The following P4HA3 variants were observed in gnomAD, a reference collection of about 807,000 sequenced individuals.
The protein encoded by P4HA3 is prolyl 4-hydroxylase subunit alpha-3.
P4HA3 carries 60 observed loss-of-function variants against 66.7 expected under a neutral mutation model. The ratio of observed to expected loss-of-function variants is 0.90; its 90% confidence interval spans 0.73 to 1.12. P4HA3 has a LOEUF of 1.12. P4HA3 is among the 50% of genes most tolerant of loss of function. The pLI is 0.00. For missense variants in P4HA3, 683 were observed against 685.8 expected (o/e 1.00, Z 0.05); for synonymous variants, 263 against 274.6 (o/e 0.96, Z 0.42).
At chr11:74,283,329 T>C (rs1860673992) in intron 7 of P4HA3, among the ~76,000 whole-genome samples, 1 of 152,208 alleles carries the variant, frequency 6.6e-6, no homozygotes, top group Non-Finnish European at 1.5e-5. Context: ...GGCCAAAAGC[T>C]ACTACTGCTG....
chr11:74,292,263 T>C (rs1190847851), intron 4 of P4HA3, among the ~76,000 whole-genome samples: 1 of 152,236 alleles, frequency 6.6e-6, no homozygotes, highest in Non-Finnish European at 1.5e-5. Flanking sequence ...CTGATGGTAG[T>C]TTGTATTTCT....
At chr11:74,299,763 C>T (rs1249575577) in intron 3 of P4HA3, among the ~76,000 whole-genome samples, 5 of 151,808 alleles carry the variant, frequency 3.3e-5, no homozygotes. Context: ...GCTGATGTTC[C>T]CTAGGATGGG....
intron 15 of P4HA3, chr11:74,253,620 T>C (rs942391630): frequency 8.0e-7 from 1 of 1,250,272 alleles, no homozygotes. Context: ...CATGTGACAC[T>C]GGCTCCCGGT....
intron 7 of P4HA3, 100 bp from the exon 8 acceptor site, chr11:74,279,552 C>CA: frequency 6.3e-6 from 7 of 1,117,044 alleles, no homozygotes; most frequent in Non-Finnish European, 9.6e-6. Context: ...ATCAACATAA[C>CA]AGATGCCAGT....
chr11:74,292,740 A>C (rs913482978), intron 4 of P4HA3, among the ~76,000 whole-genome samples: 6 of 152,128 alleles, frequency 3.9e-5, no homozygotes, highest in African/African-American at 1.4e-4. Flanking sequence ...TTCAGTTTCC[A>C]TGTAGTTGAG....
intron 15 of P4HA3, chr11:74,255,924 CTT>C (rs1859820631): frequency 1.9e-6 from 1 of 516,946 alleles, no homozygotes; most frequent in Non-Finnish European, 3.9e-6. Flanking sequence ...CACCGGAACA[CTT>C]TGCGGGTGCC....
chr11:74,285,697 C>T, intron 7 of P4HA3, 112 bp downstream of exon 7: 1 of 1,165,844 alleles, frequency 8.6e-7, no homozygotes, highest in Non-Finnish European at 1.2e-6. Flanking sequence ...GCATTCTGAA[C>T]TCCTTGGCTC....
intron 8 of P4HA3, among the ~76,000 whole-genome samples, chr11:74,278,829 C>A (rs1860487781): frequency 1.3e-5 from 2 of 152,152 alleles, no homozygotes; most frequent in African/African-American, 4.8e-5. Flanking sequence ...TGAGGTCTGG[C>A]CTCCCCCCAA....
chr11:74,258,544 C>T (rs149749289), intron 15 of P4HA3, among the ~76,000 whole-genome samples: 1,927 of 152,182 alleles, frequency 0.013, 25 homozygotes, highest in Non-Finnish European at 0.022. Context: ...ATGAGGAATT[C>T]GAGGGTCTGA....
intron 15 of P4HA3, chr11:74,253,845 T>C: frequency 2.2e-6 from 1 of 452,422 alleles, no homozygotes; most frequent in Non-Finnish European, 3.9e-6. Flanking sequence ...CATCAGGCGA[T>C]ACATCTGAGT....
intron 8 of P4HA3, among the ~76,000 whole-genome samples, chr11:74,278,220 A>G (rs1860468732): frequency 6.6e-6 from 1 of 152,212 alleles, no homozygotes; most frequent in Admixed American, 6.5e-5. Flanking sequence ...CAATAGATGG[A>G]AAAGATGTAG....
At chr11:74,264,479 C>G (rs976898931), downstream of P4HA3, among the ~76,000 whole-genome samples, 2 of 152,150 alleles carry the variant, frequency 1.3e-5, no homozygotes, top group African/African-American at 2.4e-5. Context: ...AGGGGAGCCT[C>G]TTAATGCAGC....
At chr11:74,263,277 G>C (rs1055229138), downstream of P4HA3, among the ~76,000 whole-genome samples, 1 of 152,242 alleles carries the variant, frequency 6.6e-6, no homozygotes, top group African/African-American at 2.4e-5. Flanking sequence ...TTGTGGAACT[G>C]ATTCATTCCT....
chr11:74,267,177 C>T lies in P4HA3; in HGVS notation c.*71G>A, dbSNP rs1860015763. On this transcript the variant is annotated 3_prime_UTR_variant, in exon 13 of 13. Transcript: ENST00000331597. ...GGAGGCTGCTCTGCTTTCTCCTCTC[C>T]TACCCCAGCTTTTGGCTCCTGGCTT... 6.2e-7 allele frequency: 1 copy of T among 1,607,542 alleles called. No individual in the cohort carries two copies. Among genetic ancestry groups the T allele is most frequent in the Non-Finnish European group, 8.5e-7 (1 of 1,177,850 alleles).
downstream of P4HA3, among the ~76,000 whole-genome samples, chr11:74,262,655 A>G (rs1348490805): frequency 6.6e-6 from 1 of 152,190 alleles, no homozygotes; most frequent in Non-Finnish European, 1.5e-5. Flanking sequence ...TCCATGGCAA[A>G]GAGTAGGCAC....
chr11:74,266,562 A>G (rs564834262), downstream of P4HA3: 4 of 161,958 alleles, frequency 2.5e-5, no homozygotes, highest in East Asian at 5.5e-4. Context: ...GGTGGAATCC[A>G]CAGATGGGGA....
chr11:74,265,568 A>G (rs1859978161), downstream of P4HA3, among the ~76,000 whole-genome samples: 1 of 152,202 alleles, frequency 6.6e-6, no homozygotes, highest in African/African-American at 2.4e-5. Context: ...TCTTGGCACA[A>G]GTGCCCAAAT....
chr11:74,269,010 T>C (rs1860094202), intron 11 of P4HA3, among the ~76,000 whole-genome samples: 1 of 152,216 alleles, frequency 6.6e-6, no homozygotes, highest in Non-Finnish European at 1.5e-5. Flanking sequence ...ATACCTGGCA[T>C]TGATTATCGA....
intron 1 of P4HA3, among the ~76,000 whole-genome samples, chr11:74,308,512 C>G (rs1861637989): frequency 6.6e-6 from 1 of 152,166 alleles, no homozygotes. Context: ...GCACTCTAGC[C>G]TGGGTGACAG....
Sources: gnomAD v4.1 joint callset for allele counts (sites outside exome capture counted in the v4.1 genomes callset) on GRCh38, gnomAD v4.1.1 for gene constraint, MANE v1.5 for transcripts, NCBI Gene and HGNC (gene_info 2026-07-23, HGNC 2026-07-21) for gene names.